VLDLR: variants seen among roughly 807,000 people sequenced by gnomAD.
VLDLR encodes the protein very low-density lipoprotein receptor.
A neutral mutation model predicts 112.7 loss-of-function variants in VLDLR; 81 were observed. The ratio of observed to expected loss-of-function variants is 0.72; its 90% confidence interval spans 0.60 to 0.86. The LOEUF is 0.86. Ranked by LOEUF, VLDLR falls within the 40% of genes least tolerant of loss-of-function variation. VLDLR has a pLI of 0.00. For synonymous variants in VLDLR, 436 were observed against 384.8 expected, an observed-to-expected ratio of 1.13 and a Z score of -1.56; for missense variants, 1,237 against 1,099.4, an observed-to-expected ratio of 1.13 and a Z score of -1.77.
At chr9:2,624,160 A>C (rs1168010608) in intron 1 of VLDLR, among the ~76,000 whole-genome samples, 2 of 152,210 alleles carry the variant, frequency 1.3e-5, no homozygotes, top group African/African-American at 4.8e-5. Context: ...GCAGGTGAGG[A>C]TCCTTTTCAC....
At chr9:2,653,237 T>G (rs894850395) in intron 18 of VLDLR, among the ~76,000 whole-genome samples, 1 of 152,216 alleles carries the variant, frequency 6.6e-6, no homozygotes, top group Admixed American at 6.5e-5. Flanking sequence ...AGTAGCTCAT[T>G]ACTGAACTAT....
chr9:2,631,799 A>C (rs1171746753), intron 1 of VLDLR, among the ~76,000 whole-genome samples: 1 of 152,234 alleles, frequency 6.6e-6, no homozygotes, highest in African/African-American at 2.4e-5. Context: ...GGATTTCATC[A>C]GTATAGATTC....
rs904476895 is a variant in VLDLR at position 2,644,037 on chromosome 9, C to T, written c.1066+78C>T. 25 of 1,603,158 alleles carry T rather than the reference C, an allele frequency of 1.6e-5. No homozygotes were observed. The African/African-American group carries it at 1.6e-4, about 10-fold the overall frequency. On this transcript the variant is annotated intron_variant, in intron 7 of 18. Coordinates refer to ENST00000382100, the MANE Select transcript of VLDLR (RefSeq NM_003383.5). ...TATAGCTAACACTGTGTGGACCCCC[C>T]GTGATGGCTAGTTAAACTTTTGAAT...
chr9:2,623,013 G>C (rs955422210), intron 1 of VLDLR, among the ~76,000 whole-genome samples: 2 of 152,238 alleles, frequency 1.3e-5, no homozygotes, highest in South Asian at 2.1e-4. Context: ...GAACGCGGAG[G>C]GGGAGTGGAG....
chr9:2,649,180 A>G lies in VLDLR; in HGVS notation c.2104+370A>G, dbSNP rs1284689830. On this transcript the variant is annotated intron_variant, in intron 14 of 18. Coordinates refer to ENST00000382100, the MANE Select transcript of VLDLR (RefSeq NM_003383.5). ...TAGGATTTTTGCAATGAAGTACCAC[A>G]GACTATCTTAAACAACAGAAATTTA... is the stretch of plus-strand genomic sequence containing the variant. Among the ~76,000 whole-genome samples, 4 of 152,174 alleles carry G rather than the reference A, an allele frequency of 2.6e-5. No individual in the cohort carries two copies. The East Asian group carries it at 5.8e-4, about 22-fold the overall frequency.
Position 2,646,326 on chromosome 9 carries a change from T to G in VLDLR, c.1485-8T>G, listed in dbSNP as rs753074371. 1 of 1,614,026 alleles carries G rather than the reference T, an allele frequency of 6.2e-7. No homozygotes were observed. Among genetic ancestry groups the G allele is most frequent in the African/African-American group, 1.3e-5 (1 of 75,064 alleles). ...CTCTTAAATTTCTTGTGACCTATTC[T>G]GTTTCAGTGCCTCAATTGATGACAA... On this transcript the variant is annotated splice_region_variant and splice_polypyrimidine_tract_variant and intron_variant, in intron 10 of 18. Coordinates refer to ENST00000382100, the MANE Select transcript of VLDLR (RefSeq NM_003383.5).
rs191048973 is a variant in VLDLR, at chr9:2,635,974, G to A, written c.202+402G>A. On this transcript the variant is annotated intron_variant, in intron 2 of 18. Transcript: ENST00000382100. Reference sequence around the variant, plus strand: ...GAGAAAATCCCATAAAGTTTCAGGGGGTTAATTAACCCTTGACATAGAAAC... The same window carrying A: ...GAGAAAATCCCATAAAGTTTCAGGGAGTTAATTAACCCTTGACATAGAAAC... 3.5e-4 allele frequency among the ~76,000 whole-genome samples: 54 copies of A among 152,260 alleles called. No homozygotes were observed. The South Asian group carries it at 5.4e-3, about 15-fold the overall frequency.
intron 1 of VLDLR, among the ~76,000 whole-genome samples, chr9:2,629,613 G>T (rs1586636347): frequency 6.6e-6 from 1 of 152,236 alleles, no homozygotes; most frequent in African/African-American, 2.4e-5. Context: ...TCTTAGAGCA[G>T]TGTTTGACCA....
At chr9:2,645,311 C>T (rs541942686) in intron 9 of VLDLR, among the ~76,000 whole-genome samples, 2 of 152,278 alleles carry the variant, frequency 1.3e-5, no homozygotes, top group Admixed American at 6.5e-5. Flanking sequence ...GGTTTGCATG[C>T]TCTGTTTCCA....
intron 7 of VLDLR, 79 bp downstream of exon 7, chr9:2,644,038 G>C (rs996059226): frequency 3.7e-6 from 6 of 1,601,988 alleles, no homozygotes; most frequent in Admixed American, 1.7e-5. Flanking sequence ...TGGACCCCCC[G>C]TGATGGCTAG....
chr9:2,622,681 C>T (rs1355143301), intron 1 of VLDLR, among the ~76,000 whole-genome samples: 1 of 152,226 alleles, frequency 6.6e-6, no homozygotes, highest in Non-Finnish European at 1.5e-5. Flanking sequence ...CAGCCTCGGG[C>T]GCACCCTCGA....
rs552454015 is a variant in VLDLR, at chr9:2,649,397, T to C, written c.2104+587T>C. Among the ~76,000 whole-genome samples the C allele has an allele frequency of 3.3e-5, 5 of 152,000 alleles. No homozygotes were observed. In the East Asian group the frequency reaches 9.7e-4, roughly 29 times the overall value. Reference sequence around the variant, plus strand: ...GTCCAGCTTTCTTGCTTTCTTTCTTTTTCTGTTTTTTGGAGACTGACTCTT... The same window carrying C: ...GTCCAGCTTTCTTGCTTTCTTTCTTCTTCTGTTTTTTGGAGACTGACTCTT... On this transcript the variant is annotated intron_variant, in intron 14 of 18. Transcript: ENST00000382100.
At chr9:2,622,782 C>T (rs1283470520) in intron 1 of VLDLR, among the ~76,000 whole-genome samples, 1 of 152,084 alleles carries the variant, frequency 6.6e-6, no homozygotes, top group Non-Finnish European at 1.5e-5. Context: ...CAGAGTCTTC[C>T]GGCGGCCGCG....
intron 2 of VLDLR, among the ~76,000 whole-genome samples, chr9:2,639,345 C>T (rs1334882629): frequency 6.6e-6 from 1 of 152,158 alleles, no homozygotes; most frequent in Non-Finnish European, 1.5e-5. Context: ...GGGCTCCACC[C>T]TCATGACTTA....
At position 2,621,857 on chromosome 9, in the gene VLDLR, G is replaced by A. The variant is rs1258538592; in HGVS notation, c.-333G>A. The A allele has an allele frequency of 3.6e-6, 2 of 562,332 alleles. No individual in the cohort carries two copies. The highest frequency in any genetic ancestry group is 1.5e-5 in the South Asian group (1 of 64,812). The allele number at this position is 562,332 out of a possible 1,614,324, so 34.8% of individuals were successfully genotyped here. A position where few individuals can be genotyped will look rare whatever the true frequency, so the allele number is the denominator to read the frequency against. Reference sequence around the variant, plus strand: ...TCCTCTCCGTTCTGTGCTCTCTTCTGCTCTCGGCTCCCCACCCCCTCTCCC... The same window carrying A: ...TCCTCTCCGTTCTGTGCTCTCTTCTACTCTCGGCTCCCCACCCCCTCTCCC... On this transcript the variant is annotated 5_prime_UTR_variant, in exon 1 of 19. Coordinates refer to ENST00000382100, the MANE Select transcript of VLDLR (RefSeq NM_003383.5).
intron 9 of VLDLR, 133 bp from the exon 10 acceptor site, chr9:2,645,441 C>G: frequency 8.6e-7 from 1 of 1,163,958 alleles, no homozygotes; most frequent in Admixed American, 1.8e-5. Context: ...GGGGCAGGAA[C>G]TCCAGAACAG....
In VLDLR at chr9:2,645,604, G is replaced by A. The variant is rs137946976; in HGVS notation, c.1343G>A (p.Arg448Gln). The A allele has an allele frequency of 6.8e-5, 110 of 1,614,054 alleles. No individual in the cohort carries two copies. The highest frequency in any genetic ancestry group is 4.5e-5 in the East Asian group (2 of 44,898). The change falls in exon 10 of 19, where the codon CGA (arginine) becomes CAA (glutamine). Residue 448 changes from arginine to glutamine, a missense_variant. By Grantham distance (43) the Arg-to-Gln change is conservative. Transcript: ENST00000382100. ...GAGCCAAGTCTGATCTTCACTAATC[G>A]AAGAGACATCAGGAAGATTGGCTTA... ...GKEPSLIFTN[R>Q]RDIRKIGLER...
At chr9:2,635,095 T>C (rs1386650453) in intron 1 of VLDLR, among the ~76,000 whole-genome samples, 1 of 152,170 alleles carries the variant, frequency 6.6e-6, no homozygotes, top group Admixed American at 6.5e-5. Context: ...CCATGCCCAA[T>C]TTTCAGGTAC....
At chr9:2,633,621 A>C (rs868365309) in intron 1 of VLDLR, among the ~76,000 whole-genome samples, 4 of 152,330 alleles carry the variant, frequency 2.6e-5, no homozygotes, top group Middle Eastern at 3.4e-3. Context: ...ACCTTAAAAA[A>C]AAAATCAGAG....
Sources: gnomAD v4.1 joint callset for allele counts (sites outside exome capture counted in the v4.1 genomes callset) on GRCh38, gnomAD v4.1.1 for gene constraint, MANE v1.5 for transcripts, NCBI Gene and HGNC (gene_info 2026-07-23, HGNC 2026-07-21) for gene names.